The following PI4KA variants were observed in gnomAD, a reference collection of about 807,000 sequenced individuals.
The protein encoded by PI4KA is phosphatidylinositol 4-kinase alpha.
Under a neutral mutation model 271.4 loss-of-function variants are expected in PI4KA, and 122 were observed. The ratio of observed to expected loss-of-function variants is 0.45; its 90% CI spans 0.39 to 0.52. The LOEUF is 0.52. PI4KA is among the 20% of genes least tolerant of loss of function. The pLI, the probability that PI4KA is intolerant of heterozygous loss-of-function variation, is 0.00. For synonymous variants in PI4KA, 1,041 were observed against 1,078.8 expected (o/e 0.96, Z 0.69); for missense variants, 1,969 against 2,769.1 (o/e 0.71, Z 6.48).
At chr22:20,714,604 G>C (rs767797482) in intron 46 of PI4KA, 24 bp downstream of exon 46, 12 of 1,613,822 alleles carry the variant, frequency 7.4e-6, no homozygotes, top group South Asian at 4.4e-5. Flanking sequence ...TGGAAGTGGG[G>C]GATGGGTAGG....
intron 19 of PI4KA, among the ~76,000 whole-genome samples, chr22:20,786,524 C>T (rs1460635482): frequency 6.6e-6 from 1 of 152,144 alleles, no homozygotes; most frequent in Non-Finnish European, 1.5e-5. Flanking sequence ...GGGCGCTCAG[C>T]AAAAGAGAGA....
chr22:20,751,118 C>T (rs1286137310), intron 27 of PI4KA, among the ~76,000 whole-genome samples, 175 bp downstream of exon 27: 3 of 152,098 alleles, frequency 2.0e-5, no homozygotes, highest in East Asian at 1.9e-4. Context: ...GCTCCCCTTG[C>T]ACTCGGTGGA....
At chr22:20,749,263 G>A (rs6004133) in intron 28 of PI4KA, among the ~76,000 whole-genome samples, 75,469 of 152,094 alleles carry the variant, frequency 0.5, 19,300 homozygotes, top group African/African-American at 0.6. Flanking sequence ...AGTGCTGCCA[G>A]GGTAAACCTC....
At chr22:20,848,036 G>C (rs377252028) in intron 1 of PI4KA, among the ~76,000 whole-genome samples, 1 of 151,904 alleles carries the variant, frequency 6.6e-6, no homozygotes, top group African/African-American at 2.4e-5. Flanking sequence ...TCAAGAGTTC[G>C]AGACCAGCCT....
chr22:20,779,332 C>G (rs762486261), intron 19 of PI4KA: 1 of 1,614,198 alleles, frequency 6.2e-7, no homozygotes, highest in East Asian at 2.2e-5. Context: ...TCATTAAACG[C>G]ACTTCTCATT....
In PI4KA at chr22:20,833,522, T is replaced by C. The variant is rs1464569015; in HGVS notation, c.367+1040A>G. Reference sequence around the variant, plus strand: ...ACCAATGGCAGTGGTAGCACAGAGTTAGAGCTGGTGACCTCTGTGCATGCG... The same window carrying C: ...ACCAATGGCAGTGGTAGCACAGAGTCAGAGCTGGTGACCTCTGTGCATGCG... On this transcript the variant is annotated intron_variant, in intron 3 of 54. Coordinates refer to ENST00000255882, the MANE Select transcript of PI4KA (RefSeq NM_058004.4). Among the ~76,000 whole-genome samples the C allele has an allele frequency of 2.6e-5, 4 of 152,112 alleles. 1 individual carries two copies. The highest frequency in any genetic ancestry group is 9.7e-5 in the African/African-American group (4 of 41,404).
At position 20,750,000 on chromosome 22, in the gene PI4KA, AGAGGGTGAAGCTGCTTCTCAACAACCC is replaced by A. The variant is rs1477947980; in HGVS notation, c.3154-33_3154-7del. 3 of 1,602,622 alleles carry A rather than the reference AGAGGGTGAAGCTGCTTCTCAACAACCC, an allele frequency of 1.9e-6. No homozygotes were observed. The African/African-American group carries it at 4.0e-5, about 21-fold the overall frequency. On this transcript the variant is annotated splice_polypyrimidine_tract_variant and splice_region_variant and intron_variant, in intron 27 of 54. Coordinates refer to ENST00000255882, the MANE Select transcript of PI4KA (RefSeq NM_058004.4). Reference sequence around the variant, plus strand: ...GCGAAGTCCTTCACAATGCTCTGGAAGAGGGTGAAGCTGCTTCTCAACAACCCGAGGTCAGTTCATCTGAGCTGCCGT... The same window carrying A: ...GCGAAGTCCTTCACAATGCTCTGGAAGAGGTCAGTTCATCTGAGCTGCCGT...
chr22:20,748,746 G>C (rs1270154895), intron 28 of PI4KA, among the ~76,000 whole-genome samples: 3 of 152,232 alleles, frequency 2.0e-5, no homozygotes, highest in Non-Finnish European at 2.9e-5. Flanking sequence ...TGGACACTAT[G>C]ACGATGAAGA....
chr22:20,791,872 G>A (rs900422770), intron 19 of PI4KA, among the ~76,000 whole-genome samples: 1 of 152,172 alleles, frequency 6.6e-6, no homozygotes, highest in Non-Finnish European at 1.5e-5. Context: ...AGGCCAAGGC[G>A]GGTGGATCAC....
In PI4KA at chr22:20,713,292, C is replaced by CGTCT; in HGVS notation, c.5556_5559dup (p.Asp1854ArgfsTer75). 6.3e-7 allele frequency: 1 copy of CGTCT among 1,584,076 alleles called. No individual in the cohort carries two copies. On this transcript the variant is annotated frameshift_variant, in exon 48 of 55. Coordinates refer to ENST00000255882, the MANE Select transcript of PI4KA (RefSeq NM_058004.4). LOFTEE classifies it high-confidence loss of function. The stretch of plus-strand genomic sequence containing the variant: ...CTGACCCTGCTTACCTGCCGGCAGT[C>CGTCT]GTCTCCCACCTTGAAGATGGCTGCC...
At chr22:20,736,023 C>T (rs551679046) in intron 32 of PI4KA, among the ~76,000 whole-genome samples, 1 of 152,146 alleles carries the variant, frequency 6.6e-6, no homozygotes, top group South Asian at 2.1e-4. Context: ...CATGACCACA[C>T]AGTCTATGGT....
chr22:20,809,430 A>G (rs200159767), intron 9 of PI4KA, among the ~76,000 whole-genome samples: 1 of 113,824 alleles, frequency 8.8e-6, no homozygotes, highest in Admixed American at 9.4e-5. Context: ...ATTACAAGAA[A>G]CTTTTTTTTT....
intron 13 of PI4KA, 27 bp downstream of exon 13, chr22:20,803,164 C>T (rs551134971): frequency 1.2e-6 from 2 of 1,612,612 alleles, no homozygotes; most frequent in African/African-American, 1.3e-5. Context: ...TTTCTCAGGG[C>T]CTGAAGGGCA....
chr22:20,730,971 G>T (rs1275037239), intron 36 of PI4KA, among the ~76,000 whole-genome samples: 2 of 151,876 alleles, frequency 1.3e-5, no homozygotes, highest in East Asian at 4.0e-4. Context: ...GACGCCAGGA[G>T]ATCGAGGCCA....
At chr22:20,802,869 A>G (rs922997423) in intron 13 of PI4KA, among the ~76,000 whole-genome samples, 6 of 152,246 alleles carry the variant, frequency 3.9e-5, no homozygotes, top group Admixed American at 1.3e-4. Flanking sequence ...TGGAAACATC[A>G]TAATCCATTC....
At chr22:20,732,800 A>G (rs998558052) in intron 36 of PI4KA, among the ~76,000 whole-genome samples, 171 bp downstream of exon 36, 1 of 152,214 alleles carries the variant, frequency 6.6e-6, no homozygotes, top group African/African-American at 2.4e-5. Flanking sequence ...CCAGAGGAGA[A>G]GCAGAGCCAG....
chr22:20,797,510 G>A (rs1935054585), intron 17 of PI4KA, among the ~76,000 whole-genome samples: 1 of 152,148 alleles, frequency 6.6e-6, no homozygotes, highest in Non-Finnish European at 1.5e-5. Flanking sequence ...AGGAAGGAAG[G>A]AAAGGAGAGC....
At chr22:20,746,305 G>A (rs970041168) in intron 29 of PI4KA, among the ~76,000 whole-genome samples, 44 of 151,918 alleles carry the variant, frequency 2.9e-4, no homozygotes, top group Middle Eastern at 6.8e-3. Context: ...CTCGTGATCC[G>A]CCCGCCTTGG....
intron 44 of PI4KA, among the ~76,000 whole-genome samples, chr22:20,718,207 C>G (rs564909132): frequency 6.6e-6 from 1 of 152,328 alleles, no homozygotes; most frequent in African/African-American, 2.4e-5. Flanking sequence ...AGCCAGCGTG[C>G]CCAGCATTGA....
Sources: allele counts gnomAD v4.1 joint callset (sites outside exome capture counted in the v4.1 genomes callset), GRCh38; gene constraint gnomAD v4.1.1; transcripts MANE v1.5; gene names NCBI Gene and HGNC (gene_info 2026-07-23, HGNC 2026-07-21).